Variants in THSD4 observed in about 807,000 individuals in gnomAD.
The protein encoded by THSD4 is thrombospondin type 1 domain containing 4, also known as thrombospondin type-1 domain-containing protein 4.
Under a neutral mutation model 119.0 loss-of-function variants are expected in THSD4, and 69 were observed. That is an observed-to-expected ratio of 0.58 (90% CI 0.48 to 0.71). The LOEUF (loss-of-function observed/expected upper bound fraction) is 0.71, where lower values mean the gene tolerates loss of function less well. Among genes scored for constraint, THSD4 ranks in the 30% least tolerant of loss-of-function variants. The pLI is 0.00. For synonymous variants in THSD4, 524 were observed against 540.4 expected (o/e 0.97, Z 0.42); for missense variants, 1,393 against 1,391.1 (o/e 1.00, Z -0.02).
At chr15:71,460,412 C>T in intron 7 of THSD4, among the ~76,000 whole-genome samples, 1 of 151,714 alleles carries the variant, frequency 6.6e-6, no homozygotes, top group Non-Finnish European at 1.5e-5. Context: ...CCTGTCCTCC[C>T]CAAATTAATG....
chr15:71,263,774 C>A (rs2044431442), intron 6 of THSD4, among the ~76,000 whole-genome samples: 3 of 152,198 alleles, frequency 2.0e-5, no homozygotes, highest in Non-Finnish European at 4.4e-5. Context: ...ACAAATCACA[C>A]CTAACTTCCA....
At chr15:71,358,100 A>C (rs1473178857) in intron 6 of THSD4, among the ~76,000 whole-genome samples, 1 of 152,176 alleles carries the variant, frequency 6.6e-6, no homozygotes, top group Non-Finnish European at 1.5e-5. Context: ...TTTCCAGACA[A>C]GTGCCTGTAG....
intron 1 of THSD4, among the ~76,000 whole-genome samples, chr15:71,125,915 C>G (rs2040451053): frequency 6.6e-6 from 1 of 152,198 alleles, no homozygotes; most frequent in Non-Finnish European, 1.5e-5. Flanking sequence ...TGGCGCACAG[C>G]CACATGTGCT....
intron 1 of THSD4, among the ~76,000 whole-genome samples, chr15:71,124,264 A>G (rs1484043079): frequency 6.6e-6 from 1 of 152,268 alleles, no homozygotes; most frequent in African/African-American, 2.4e-5. Context: ...ATGAACAGGC[A>G]GGACTGTGTT....
chr15:71,526,350 A>C (rs2048518156), intron 7 of THSD4, among the ~76,000 whole-genome samples: 2 of 152,200 alleles, frequency 1.3e-5, no homozygotes, highest in South Asian at 4.1e-4. Context: ...CTTAAATCAC[A>C]CATCACTGGC....
chr15:71,372,918 G>A (rs371632245), intron 6 of THSD4, among the ~76,000 whole-genome samples: 6 of 152,242 alleles, frequency 3.9e-5, no homozygotes, highest in African/African-American at 1.4e-4. Context: ...GCTGCGGTGG[G>A]CTCCACCCAG....
At chr15:71,679,137 C>G (rs1482593259) in intron 8 of THSD4, among the ~76,000 whole-genome samples, 1 of 152,138 alleles carries the variant, frequency 6.6e-6, no homozygotes, top group African/African-American at 2.4e-5. Context: ...GATACATGGC[C>G]CCTTCCCTGA....
At chr15:71,465,036 G>A (rs1193562576) in intron 7 of THSD4, among the ~76,000 whole-genome samples, 1 of 152,100 alleles carries the variant, frequency 6.6e-6, no homozygotes, top group African/African-American at 2.4e-5. Flanking sequence ...CTTTACCTGA[G>A]TTATTTTTTT....
At chr15:71,736,675 CCTCTCTCTCTTT>C (rs1396165879) in intron 10 of THSD4, among the ~76,000 whole-genome samples, 10 of 152,026 alleles carry the variant, frequency 6.6e-5, no homozygotes, top group Non-Finnish European at 1.5e-5. Context: ...GTCTCTCTCT[CCTCTCTCTCTTT>C]CTCTCTCTCT....
At chr15:71,409,402 G>T (rs995524262) in intron 6 of THSD4, among the ~76,000 whole-genome samples, 1 of 152,128 alleles carries the variant, frequency 6.6e-6, no homozygotes. Flanking sequence ...ATGGGGTCTT[G>T]GTAGATGAAA....
At chr15:71,550,352 G>A (rs1319038865) in intron 7 of THSD4, among the ~76,000 whole-genome samples, 1 of 152,162 alleles carries the variant, frequency 6.6e-6, no homozygotes, top group Non-Finnish European at 1.5e-5. Context: ...GTAGGGACAG[G>A]GAGGGAGATG....
At chr15:71,341,422 G>T in intron 6 of THSD4, 1 of 1,612,778 alleles carries the variant, frequency 6.2e-7, no homozygotes, top group Non-Finnish European at 8.5e-7. Context: ...TACTCTCTGC[G>T]TTTTTAAGCA....
intron 6 of THSD4, among the ~76,000 whole-genome samples, chr15:71,366,637 T>A (rs1222511289): frequency 6.6e-6 from 1 of 152,138 alleles, no homozygotes; most frequent in Non-Finnish European, 1.5e-5. Flanking sequence ...TCTCATGGAA[T>A]CCTCTTATGT....
chr15:71,643,237 A>G (rs886611987), intron 7 of THSD4, among the ~76,000 whole-genome samples: 2 of 152,240 alleles, frequency 1.3e-5, no homozygotes, highest in African/African-American at 2.4e-5. Context: ...GAAAAGAGAT[A>G]TAAGTAATCC....
intron 2 of THSD4, 55 bp from the exon 3 acceptor site, chr15:71,154,808 T>A: frequency 6.4e-7 from 1 of 1,571,048 alleles, no homozygotes; most frequent in Non-Finnish European, 8.8e-7. Context: ...CTTCCCTGGG[T>A]GCTGCTGCCT....
chr15:71,358,244 A>G (rs1419220268), intron 6 of THSD4, among the ~76,000 whole-genome samples: 3 of 152,154 alleles, frequency 2.0e-5, no homozygotes, highest in Non-Finnish European at 4.4e-5. Flanking sequence ...GCTGTTCCTT[A>G]ACATTCTGCC....
At chr15:71,600,994 G>A (rs756135345) in intron 7 of THSD4, among the ~76,000 whole-genome samples, 5 of 152,086 alleles carry the variant, frequency 3.3e-5, no homozygotes, top group Non-Finnish European at 7.4e-5. Flanking sequence ...TGATCCACCC[G>A]TCTTGGCCTC....
chr15:71,454,551 A>G (rs552774513), intron 7 of THSD4, among the ~76,000 whole-genome samples: 13 of 152,206 alleles, frequency 8.5e-5, no homozygotes, highest in Non-Finnish European at 8.8e-5. Flanking sequence ...ACTCTAATTT[A>G]TAGTTAACGC....
intron 11 of THSD4, among the ~76,000 whole-genome samples, chr15:71,742,849 GT>G (rs2053262337): frequency 6.6e-6 from 1 of 152,130 alleles, no homozygotes; most frequent in African/African-American, 2.4e-5. Flanking sequence ...GAGGTCAGGA[GT>G]TTAAGACAAG....
Sources: gnomAD v4.1 joint callset for allele counts (sites outside exome capture counted in the v4.1 genomes callset) on GRCh38, gnomAD v4.1.1 for gene constraint, MANE v1.5 for transcripts, NCBI Gene and HGNC (gene_info 2026-07-23, HGNC 2026-07-21) for gene names.